BAZ2B: variants seen among roughly 807,000 people sequenced by gnomAD.
The protein encoded by BAZ2B is bromodomain adjacent to zinc finger domain protein 2B.
In BAZ2B, 91 loss-of-function variants were observed where a neutral mutation model predicts 246.0. That is an observed-to-expected ratio of 0.37 (90% confidence interval 0.31 to 0.44). The LOEUF (loss-of-function observed/expected upper bound fraction) is 0.44, where lower values mean the gene tolerates loss of function less well. Among genes scored for constraint, BAZ2B ranks in the 20% least tolerant of loss-of-function variants. The pLI, the probability that BAZ2B is intolerant of heterozygous loss-of-function variation, is 1.00. For missense variants in BAZ2B, 2,332 were observed against 2,533.7 expected (o/e 0.92, Z 1.71); for synonymous variants, 855 against 860.0 (o/e 0.99, Z 0.10).
At chr2:159,423,864 G>T (rs928852963) in intron 13 of BAZ2B, among the ~76,000 whole-genome samples, 4 of 152,148 alleles carry the variant, frequency 2.6e-5, no homozygotes, top group Non-Finnish European at 5.9e-5. Flanking sequence ...CTACTTGAGC[G>T]GGGAAAGTGG....
At chr2:159,375,765 G>A (rs989643229) in intron 25 of BAZ2B, among the ~76,000 whole-genome samples, 2 of 152,166 alleles carry the variant, frequency 1.3e-5, no homozygotes, top group African/African-American at 4.8e-5. Context: ...GCCAGCTCAT[G>A]AATATGTGGC....
intron 10 of BAZ2B, among the ~76,000 whole-genome samples, chr2:159,429,824 T>C (rs1576935051): frequency 1.3e-5 from 2 of 152,116 alleles, no homozygotes; most frequent in African/African-American, 2.4e-5. Context: ...CTAAAATTAG[T>C]AGGCTATCAT....
the BAZ2B span, among the ~76,000 whole-genome samples, chr2:159,678,049 C>T: frequency 6.6e-6 from 1 of 152,138 alleles, no homozygotes; most frequent in Non-Finnish European, 1.5e-5. Context: ...TAGTCTCACG[C>T]TATTACAGTT....
At chr2:159,532,829 A>G (rs1181305829) in intron 2 of BAZ2B, among the ~76,000 whole-genome samples, 1 of 152,152 alleles carries the variant, frequency 6.6e-6, no homozygotes, top group Non-Finnish European at 1.5e-5. Context: ...TTAGGTAGAC[A>G]TGGCCAGTAC....
At chr2:159,581,089 C>T (rs1385490883) in intron 1 of BAZ2B, among the ~76,000 whole-genome samples, 1 of 152,082 alleles carries the variant, frequency 6.6e-6, no homozygotes, top group Non-Finnish European at 1.5e-5. Flanking sequence ...AACTAAAGAG[C>T]TTCTGCACAG....
chr2:159,330,550 A>G (rs764058917), intron 34 of BAZ2B, among the ~76,000 whole-genome samples: 4 of 152,084 alleles, frequency 2.6e-5, no homozygotes, highest in African/African-American at 9.7e-5. Flanking sequence ...TGGAGGTGAA[A>G]ATCTATAGTG....
At chr2:159,557,898 G>A (rs180970605) in intron 1 of BAZ2B, among the ~76,000 whole-genome samples, 1 of 152,178 alleles carries the variant, frequency 6.6e-6, no homozygotes, top group Non-Finnish European at 1.5e-5. Context: ...TTAAGTCACT[G>A]CAAGAAGCAT....
intron 1 of BAZ2B, among the ~76,000 whole-genome samples, chr2:159,586,520 G>T (rs1688039850): frequency 6.6e-6 from 1 of 151,252 alleles, no homozygotes; most frequent in Non-Finnish European, 1.5e-5. Context: ...TCCTACTGAA[G>T]AAAAAAAAAT....
intron 1 of BAZ2B, among the ~76,000 whole-genome samples, chr2:159,563,216 G>A (rs2090049641): frequency 6.6e-6 from 1 of 152,018 alleles, no homozygotes; most frequent in African/African-American, 2.4e-5. Context: ...GTTTTTCCTA[G>A]AACATAGAAT....
intron 2 of BAZ2B, among the ~76,000 whole-genome samples, chr2:159,493,553 C>T (rs1032413159): frequency 6.6e-6 from 1 of 152,198 alleles, no homozygotes; most frequent in Non-Finnish European, 1.5e-5. Flanking sequence ...TATGAAGAAA[C>T]TTAAACTAAT....
At chr2:159,601,428 G>GAAA (rs11379463) in intron 1 of BAZ2B, among the ~76,000 whole-genome samples, 1 of 146,392 alleles carries the variant, frequency 6.8e-6, no homozygotes, top group Admixed American at 6.8e-5. Context: ...TGTCTCAAAA[G>GAAA]AAAAAAAAAA....
At chr2:159,497,130 AT>A (rs1286369181) in intron 2 of BAZ2B, among the ~76,000 whole-genome samples, 1 of 152,086 alleles carries the variant, frequency 6.6e-6, no homozygotes, top group African/African-American at 2.4e-5. Flanking sequence ...AATTACTATA[AT>A]TTTTTTATTT....
At chr2:159,615,036 A>G (rs1250804770) in intron 1 of BAZ2B, among the ~76,000 whole-genome samples, 1 of 152,206 alleles carries the variant, frequency 6.6e-6, no homozygotes, top group Admixed American at 6.5e-5. Context: ...AGGAAAAAAA[A>G]TGGAGGATAT....
At chr2:159,331,888 G>A (rs1232702207) in intron 34 of BAZ2B, among the ~76,000 whole-genome samples, 2 of 152,120 alleles carry the variant, frequency 1.3e-5, no homozygotes, top group Admixed American at 1.3e-4. Context: ...ACATGAAGTG[G>A]GAGAGCAACA....
At chr2:159,551,605 G>A (rs1215473247) in intron 2 of BAZ2B, among the ~76,000 whole-genome samples, 1 of 151,930 alleles carries the variant, frequency 6.6e-6, no homozygotes, top group African/African-American at 2.4e-5. Context: ...GCATGTAAAT[G>A]CAACTGCAAA....
At chr2:159,606,777 G>A (rs1371562148) in intron 1 of BAZ2B, among the ~76,000 whole-genome samples, 1 of 152,108 alleles carries the variant, frequency 6.6e-6, no homozygotes, top group Admixed American at 6.5e-5. Context: ...TTATTATGAT[G>A]TAGTAATAAT....
At position 159,433,125 on chromosome 2, in the gene BAZ2B, G is replaced by C. The variant is rs1165354335; in HGVS notation, c.1532C>G (p.Thr511Ser). The C allele has an allele frequency of 6.2e-7, 1 of 1,614,162 alleles. No homozygotes were observed. The highest frequency in any genetic ancestry group is 1.1e-5 in the South Asian group (1 of 91,084). The change falls in exon 9 of 37, where the codon ACC (threonine) becomes AGC (serine). Residue 511 changes from threonine (T) to serine (S), a missense_variant. Around this residue, in one of 9 missense-constraint regions of BAZ2B, gnomAD observed 651 missense variants for 650.9 expected, o/e 1.00. Transcript: ENST00000392783. ...VIQEAPLALT[T>S]KTKMQSKINE... The stretch of plus-strand genomic sequence containing the variant: ...AATCTTGCTCTGCATTTTAGTTTTG[G>C]TAGTAAGTGCTAGAGGAGCTTCTTG...
At position 159,382,744 on chromosome 2, in the gene BAZ2B, G is replaced by A; in HGVS notation, c.3820C>T (p.Leu1274=). Reference sequence around the variant, plus strand: ...CCCAAGGGATGCTGCTCTTCTCCCAGATCAATGCCACCTGAAGTGTCTCTT... The same window carrying A: ...CCCAAGGGATGCTGCTCTTCTCCCAAATCAATGCCACCTGAAGTGTCTCTT... ...GKRDTSGGID[L]GEEQHPLGTP... is the part of the protein sequence containing the mutation. The change falls in exon 25 of 37, where the codon CTG becomes TTG. Residue 1274 remains leucine, a synonymous_variant. Transcript: ENST00000392783. 6.2e-7 allele frequency: 1 copy of A among 1,613,678 alleles called. No homozygotes were observed. Among genetic ancestry groups the A allele is most frequent in the South Asian group, 1.1e-5 (1 of 91,050 alleles).
At chr2:159,570,571 T>C (rs1028930804) in intron 1 of BAZ2B, among the ~76,000 whole-genome samples, 2 of 152,206 alleles carry the variant, frequency 1.3e-5, no homozygotes, top group African/African-American at 2.4e-5. Context: ...ATCTTTCCTA[T>C]ATATCACCCT....
Sources: gnomAD v4.1 joint callset for allele counts (sites outside exome capture counted in the v4.1 genomes callset) on GRCh38, gnomAD v4.1.1 for gene constraint, gnomAD v4.1.1 regional missense constraint, MANE v1.5 for transcripts, NCBI Gene and HGNC (gene_info 2026-07-23, HGNC 2026-07-21) for gene names.